Variants in ANKRD11 observed in about 807,000 individuals in gnomAD.
ANKRD11 encodes the protein ankyrin repeat domain 11.
ANKRD11 carries 17 observed loss-of-function variants against 195.7 expected under a neutral mutation model. That is an observed-to-expected ratio of 0.09 (90% confidence interval 0.06 to 0.13). The LOEUF (loss-of-function observed/expected upper bound fraction) is 0.13. Among genes scored for constraint, ANKRD11 ranks in the 10% least tolerant of loss-of-function variants. ANKRD11 has a pLI of 1.00. For missense variants in ANKRD11, 3,735 were observed against 3,566.1 expected (o/e 1.05, Z -1.21); for synonymous variants, 1,953 against 1,528.1 (o/e 1.28, Z -6.49).
chr16:89,306,986 C>T (rs1398889858), intron 3 of ANKRD11, among the ~76,000 whole-genome samples: 5 of 151,604 alleles, frequency 3.3e-5, no homozygotes, highest in East Asian at 1.9e-4. Context: ...GGGGACGGTG[C>T]GACACACACA....
chr16:89,359,534 C>G (rs527703917), intron 2 of ANKRD11, among the ~76,000 whole-genome samples: 1 of 152,206 alleles, frequency 6.6e-6, no homozygotes, highest in African/African-American at 2.4e-5. Context: ...CTCCTTGTTC[C>G]GGCCCTGCAG....
intron 1 of ANKRD11, among the ~76,000 whole-genome samples, chr16:89,480,643 A>G (rs1242815302): frequency 6.6e-6 from 1 of 152,078 alleles, no homozygotes; most frequent in Non-Finnish European, 1.5e-5. Flanking sequence ...TTCTTTCTAT[A>G]CTCCTTCTAG....
At position 89,316,944 on chromosome 16, in the gene ANKRD11, T is replaced by A; in HGVS notation, c.76A>T (p.Thr26Ser). Reference sequence around the variant, plus strand: ...GGGGGCAGCATTACCTTTTTCCCAGTCTGCTTCTCCACCATGTCGCTGCTG... The same window carrying A: ...GGGGGCAGCATTACCTTTTTCCCAGACTGCTTCTCCACCATGTCGCTGCTG... ...PLSSDMVEKQ[T>S]GKKDKDKVSL... Residue 26 changes from threonine (T) to serine (S), a missense_variant, in exon 3 of 13, where the codon ACT becomes TCT. Transcript: ENST00000301030. 6.2e-7 allele frequency: 1 copy of A among 1,613,646 alleles called. No individual in the cohort carries two copies. Among genetic ancestry groups the A allele is most frequent in the African/African-American group, 1.3e-5 (1 of 75,032 alleles).
At position 89,268,719 on chromosome 16, in the gene ANKRD11, C is replaced by T. The variant is rs1042499301; in HGVS notation, c.7807-56G>A. 217 of 1,538,528 alleles carry T rather than the reference C, an allele frequency of 1.4e-4. 2 individuals are homozygous for T. In the South Asian group the frequency reaches 2.5e-3, roughly 18 times the overall value. On this transcript the variant is annotated intron_variant, in intron 12 of 12. Transcript: ENST00000301030. ...GGAGGAGTGAAGGGAGAGCCCCAGA[C>T]TCTGCCGACCTCAGCTGCCAGCAGG...
intron 1 of ANKRD11, among the ~76,000 whole-genome samples, chr16:89,421,910 C>T (rs571974445): frequency 5.5e-4 from 83 of 152,282 alleles, no homozygotes; most frequent in African/African-American, 2.0e-3. Context: ...GTTGCTTCTA[C>T]CTATGGAAAT....
At chr16:89,397,030 T>G (rs892880180) in intron 2 of ANKRD11, among the ~76,000 whole-genome samples, 2 of 152,158 alleles carry the variant, frequency 1.3e-5, no homozygotes, top group African/African-American at 4.8e-5. Context: ...AGGATTTTTT[T>G]TTTTTTAAAG....
rs926462498 is a variant in ANKRD11, at chr16:89,442,938, A to T, written c.-144-24570T>A. On this transcript the variant is annotated intron_variant, in intron 1 of 12. Coordinates refer to ENST00000301030, the MANE Select transcript of ANKRD11 (RefSeq NM_013275.6). ...AGCCTCTGCCTCTTTCATTAGACATAAGCAAGGATTTTTCCTCTAGCCAGG... is the reference window on the plus strand; with the variant it reads ...AGCCTCTGCCTCTTTCATTAGACATTAGCAAGGATTTTTCCTCTAGCCAGG... Among the ~76,000 whole-genome samples the T allele has an allele frequency of 3.9e-5, 6 of 152,184 alleles. No individual in the cohort carries two copies. The South Asian group carries it at 1.0e-3, about 26-fold the overall frequency.
At chr16:89,456,653 C>T (rs2056451021) in intron 1 of ANKRD11, among the ~76,000 whole-genome samples, 1 of 151,888 alleles carries the variant, frequency 6.6e-6, no homozygotes, top group Non-Finnish European at 1.5e-5. Flanking sequence ...AACAGGAATA[C>T]AGTTCCAAGA....
intron 1 of ANKRD11, among the ~76,000 whole-genome samples, chr16:89,450,091 C>A (rs1171653069): frequency 2.0e-5 from 3 of 152,188 alleles, no homozygotes; most frequent in African/African-American, 7.2e-5. Flanking sequence ...AATTGTGTTA[C>A]TGAATGTGTC....
chr16:89,436,578 G>A (rs1010258345), intron 1 of ANKRD11, among the ~76,000 whole-genome samples: 1 of 152,164 alleles, frequency 6.6e-6, no homozygotes, highest in Non-Finnish European at 1.5e-5. Flanking sequence ...TGTTCCGCAA[G>A]AGCAGGACTG....
rs76793093 is a variant in ANKRD11 at position 89,279,755 on chromosome 16, G to T, written c.6787C>A (p.Pro2263Thr). The T allele has an allele frequency of 2.6e-6, 4 of 1,524,006 alleles. No individual in the cohort carries two copies. In the South Asian group the frequency reaches 4.8e-5, roughly 18 times the overall value. The allele number at this position is 1,524,006 out of a possible 1,614,324, so 94.4% of individuals were successfully genotyped here. ...SGDQGAEAEG[P>T]PAASLCAPDG... Reference sequence around the variant, plus strand: ...GGGGCACAGAGGGACGCGGCGGGGGGGCCTTCAGCCTCAGCCCCCTGGTCT... The same window carrying T: ...GGGGCACAGAGGGACGCGGCGGGGGTGCCTTCAGCCTCAGCCCCCTGGTCT... Residue 2263 changes from proline to threonine, a missense_variant, in exon 9 of 13, where the codon CCC (proline) becomes ACC (threonine). Coordinates refer to ENST00000301030, the MANE Select transcript of ANKRD11 (RefSeq NM_013275.6). This position sits in a 1 kb window ranked among gnomAD's most constrained non-coding sequence, Gnocchi z 5.6.
intron 2 of ANKRD11, chr16:89,323,382 G>C (rs1199125396): frequency 7.9e-7 from 1 of 1,270,690 alleles, no homozygotes; most frequent in Non-Finnish European, 1.0e-6. Flanking sequence ...CATCTCAGTG[G>C]GCAAGGGGAG....
rs560577674 is a variant in ANKRD11, at chr16:89,292,137, G to C, written c.227-954C>G. ...GAAACTGCAGAGGTGCAGCGCAGAG[G>C]CAAGGCTCTGCCAAGGCCTGACTCG... On this transcript the variant is annotated intron_variant, in intron 4 of 12. Coordinates refer to ENST00000301030, the MANE Select transcript of ANKRD11 (RefSeq NM_013275.6). 3.9e-5 allele frequency among the ~76,000 whole-genome samples: 6 copies of C among 152,288 alleles called. No individual in the cohort carries two copies. The South Asian group carries it at 1.2e-3, about 32-fold the overall frequency.
intron 2 of ANKRD11, among the ~76,000 whole-genome samples, chr16:89,364,155 G>C (rs1040858601): frequency 6.6e-6 from 1 of 152,196 alleles, no homozygotes; most frequent in Non-Finnish European, 1.5e-5. Context: ...TGGAGCCTGG[G>C]TGTACCCCAG....
chr16:89,271,286 G>A, intron 11 of ANKRD11: 1 of 337,828 alleles, frequency 3.0e-6, no homozygotes, highest in East Asian at 7.8e-5. Context: ...TGCCCAGGCT[G>A]GAGTGCAATG....
At chr16:89,351,464 C>A (rs1295026915) in intron 2 of ANKRD11, among the ~76,000 whole-genome samples, 2 of 152,188 alleles carry the variant, frequency 1.3e-5, no homozygotes, top group Non-Finnish European at 2.9e-5. Flanking sequence ...ACCCACTACA[C>A]CAAATAACTG....
rs775910970 is a variant in ANKRD11, at chr16:89,283,075, C to T, written c.3467G>A (p.Arg1156Gln). The T allele has an allele frequency of 5.2e-5, 84 of 1,613,850 alleles. No homozygotes were observed. Among genetic ancestry groups the T allele is most frequent in the Non-Finnish European group, 6.9e-5 (82 of 1,180,030 alleles). The change falls in exon 9 of 13, where the codon CGG (arginine) becomes CAG (glutamine). Residue 1156 changes from arginine (R) to glutamine (Q), a missense_variant. Transcript: ENST00000301030. This position sits in a 1 kb window ranked among gnomAD's most constrained non-coding sequence, Gnocchi z 4.3. ...GTGTCTGTCGGAGGCATAGGCCTCCCGTCCTTCCTCCTTCTCCTGGAGGCC... is the reference window on the plus strand; with the variant it reads ...GTGTCTGTCGGAGGCATAGGCCTCCTGTCCTTCCTCCTTCTCCTGGAGGCC... ...TDGLQEKEEG[R>Q]EAYASDRHRK... is the part of the protein sequence containing the mutation.
chr16:89,316,130 T>C (rs1461263092), intron 3 of ANKRD11, among the ~76,000 whole-genome samples: 1 of 152,132 alleles, frequency 6.6e-6, no homozygotes, highest in African/African-American at 2.4e-5. Flanking sequence ...TGGCAGGAGC[T>C]GACACACATC....
intron 3 of ANKRD11, among the ~76,000 whole-genome samples, chr16:89,309,824 C>T (rs2036511416): frequency 6.6e-6 from 1 of 152,232 alleles, no homozygotes; most frequent in Non-Finnish European, 1.5e-5. Context: ...TAAATCCAAT[C>T]CTTACCAGGC....
Sources: allele counts gnomAD v4.1 joint callset (sites outside exome capture counted in the v4.1 genomes callset), GRCh38; gene constraint gnomAD v4.1.1; non-coding constraint Gnocchi (gnomAD v3.1); transcripts MANE v1.5; gene names NCBI Gene and HGNC (gene_info 2026-07-23, HGNC 2026-07-21).